The following THOP1 variants were observed in gnomAD, a reference collection of about 807,000 sequenced individuals.
THOP1 encodes the protein thimet oligopeptidase 1.
THOP1 carries 49 observed loss-of-function variants against 71.8 expected under a neutral mutation model. The ratio of observed to expected loss-of-function variants is 0.68; its 90% CI spans 0.54 to 0.87. The LOEUF (loss-of-function observed/expected upper bound fraction) is 0.87, where lower values mean the gene tolerates loss of function less well. Ranked by LOEUF, THOP1 falls within the 40% of genes least tolerant of loss-of-function variation. The pLI is 0.00. For missense variants in THOP1, 843 were observed against 975.6 expected, an observed-to-expected ratio of 0.86 and a Z score of 1.81; for synonymous variants, 426 against 421.5, an observed-to-expected ratio of 1.01 and a Z score of -0.13.
In THOP1 at chr19:2,801,352, G is replaced by C. The variant is rs1916139807; in HGVS notation, c.589+1561G>C. Among the ~76,000 whole-genome samples, 1 of 152,170 alleles carries C rather than the reference G, an allele frequency of 6.6e-6. No homozygotes were observed. Among genetic ancestry groups the C allele is most frequent in the East Asian group, 1.9e-4 (1 of 5,192 alleles). The stretch of plus-strand genomic sequence containing the variant: ...CAGCTGCCTGTTTCTTTTCACGTTT[G>C]CCATCCTGCAAACTCGAATGTTTGT... On this transcript the variant is annotated intron_variant, in intron 5 of 12. Transcript: ENST00000307741. This position sits in a 1 kb window ranked among gnomAD's most constrained non-coding sequence, Gnocchi z 5.1.
At position 2,812,236 on chromosome 19, in the gene THOP1, G is replaced by T. The variant is rs894365878; in HGVS notation, c.1908+502G>T. ...GAAGTGCGGCCGTTACGCCATGTGAGCCTGTGCCTCCCGCTGACTTGGTGT... is the reference window on the plus strand; with the variant it reads ...GAAGTGCGGCCGTTACGCCATGTGATCCTGTGCCTCCCGCTGACTTGGTGT... On this transcript the variant is annotated intron_variant, in intron 12 of 12. Transcript: ENST00000307741. The T allele has an allele frequency of 4.6e-6, 7 of 1,533,178 alleles. No individual in the cohort carries two copies. The East Asian group carries it at 1.7e-4, about 38-fold the overall frequency. The allele number at this position is 1,533,178 out of a possible 1,614,324, so 95.0% of individuals were successfully genotyped here. A position where few individuals can be genotyped will look rare whatever the true frequency, so the allele number is the denominator to read the frequency against.
In THOP1 at chr19:2,813,815, A is replaced by G. The variant is rs893686188; in HGVS notation, c.*539A>G. The G allele has an allele frequency of 9.1e-5, 14 of 153,122 alleles. No homozygotes were observed. Among genetic ancestry groups the G allele is most frequent in the Non-Finnish European group, 2.0e-4 (14 of 68,872 alleles). 9.5% of individuals were successfully genotyped at this position (153,122 alleles called of 1,614,324 possible). ...GGTCTGAGAGACTTCGGCTTCCTGC[A>G]TGCTTCTCACCTGTTGTCATTCTGG... is the stretch of plus-strand genomic sequence containing the variant. On this transcript the variant is annotated 3_prime_UTR_variant, in exon 13 of 13. Transcript: ENST00000307741.
At chr19:2,800,705 C>T (rs987244556) in intron 5 of THOP1, among the ~76,000 whole-genome samples, 4 of 152,252 alleles carry the variant, frequency 2.6e-5, no homozygotes, top group African/African-American at 7.2e-5. Flanking sequence ...TCCCGTGTCT[C>T]GGGCAGCACA....
chr19:2,810,890 A>G, intron 11 of THOP1, 122 bp downstream of exon 11: 3 of 1,416,996 alleles, frequency 2.1e-6, no homozygotes, highest in East Asian at 2.5e-5. Flanking sequence ...CTGGGGAGCC[A>G]CGGAGCGCGT....
At chr19:2,810,001 C>T (rs1916414624) in intron 9 of THOP1, 1 of 460,490 alleles carries the variant, frequency 2.2e-6, no homozygotes, top group Admixed American at 3.9e-5. Flanking sequence ...AGGTCCCAAC[C>T]CCTCGGGGTG....
intron 5 of THOP1, among the ~76,000 whole-genome samples, chr19:2,803,113 C>T (rs1465767173): frequency 6.6e-6 from 1 of 152,224 alleles, no homozygotes; most frequent in Non-Finnish European, 1.5e-5. Flanking sequence ...CCCATGCTCT[C>T]CCTGCCCCAG....
intron 11 of THOP1, 128 bp from the exon 12 acceptor site, chr19:2,811,470 C>A: frequency 7.6e-7 from 1 of 1,323,428 alleles, no homozygotes; most frequent in Non-Finnish European, 1.0e-6. Context: ...GGTCTCGGCC[C>A]TCACCGTGAT....
At chr19:2,786,020 T>A (rs1915731799) in intron 1 of THOP1, among the ~76,000 whole-genome samples, 1 of 151,902 alleles carries the variant, frequency 6.6e-6, no homozygotes, top group Non-Finnish European at 1.5e-5. Context: ...TAAGAGAGGA[T>A]CGAAGATAGG....
rs1277204697 is a variant in THOP1 at position 2,813,342 on chromosome 19, ACAGGATGGGG to A, written c.*71_*80del. 6 of 1,493,946 alleles carry A rather than the reference ACAGGATGGGG, an allele frequency of 4.0e-6. No homozygotes were observed. The highest frequency in any genetic ancestry group is 5.4e-6 in the Non-Finnish European group (6 of 1,117,972). The allele number at this position is 1,493,946 out of a possible 1,614,324, so 92.5% of individuals were successfully genotyped here. On this transcript the variant is annotated 3_prime_UTR_variant, in exon 13 of 13. Coordinates refer to ENST00000307741, the MANE Select transcript of THOP1 (RefSeq NM_003249.5). ...CCGCCCTGGTGCCTTAGCCCCCGGC[ACAGGATGGGG>A]CAGGCTCTGGCACAGTGCCTGGGAC... is the stretch of plus-strand genomic sequence containing the variant.
At position 2,810,671 on chromosome 19, in the gene THOP1, C is replaced by T; in HGVS notation, c.1674C>T (p.Ala558=). 2 of 1,563,072 alleles carry T rather than the reference C, an allele frequency of 1.3e-6. No homozygotes were observed. Among genetic ancestry groups the T allele is most frequent in the Non-Finnish European group, 1.7e-6 (2 of 1,153,478 alleles). The part of the protein sequence containing the change: ...GLFNLRQIVL[A]KVDQALHTQT... ...TCAACCTGCGCCAGATCGTCCTCGCCAAGGTGGACCAGGCCCTGCACACGC... is the reference window on the plus strand; with the variant it reads ...TCAACCTGCGCCAGATCGTCCTCGCTAAGGTGGACCAGGCCCTGCACACGC... Residue 558 remains alanine (A), a synonymous_variant, in exon 11 of 13, where the codon GCC becomes GCT. Coordinates refer to ENST00000307741, the MANE Select transcript of THOP1 (RefSeq NM_003249.5).
rs1432361536 is a variant in THOP1, at chr19:2,794,660, C to T, written c.230-104C>T. The T allele has an allele frequency of 1.7e-5, 24 of 1,401,628 alleles. No individual in the cohort carries two copies. The Admixed American group carries it at 1.9e-4, about 11-fold the overall frequency. The allele number at this position is 1,401,628 out of a possible 1,614,324, so 86.8% of individuals were successfully genotyped here. On this transcript the variant is annotated intron_variant, in intron 2 of 12. Coordinates refer to ENST00000307741, the MANE Select transcript of THOP1 (RefSeq NM_003249.5). ...GGAGGCTGAGGCAGGAGAGAGTTCA[C>T]GGGGGGATTCAGCAGACAGGCCTGG...
intron 4 of THOP1, among the ~76,000 whole-genome samples, chr19:2,799,363 G>A (rs1321819351): frequency 6.6e-6 from 1 of 152,208 alleles, no homozygotes; most frequent in East Asian, 1.9e-4. Flanking sequence ...GGCTCTGAAG[G>A]TGATTCCTTA....
rs961765319 is a variant in THOP1, at chr19:2,805,847, G to A, written c.750+671G>A. Among the ~76,000 whole-genome samples the A allele has an allele frequency of 1.4e-5, 2 of 146,862 alleles. No individual in the cohort carries two copies. The highest frequency in any genetic ancestry group is 6.8e-5 in the Admixed American group (1 of 14,624). On this transcript the variant is annotated intron_variant, in intron 6 of 12. Transcript: ENST00000307741. The surrounding 1 kb of genome is among the most constrained non-coding windows in gnomAD (Gnocchi z 6.6). The stretch of plus-strand genomic sequence containing the variant: ...GGGACGGGCGGGTGCCCATCACTGC[G>A]GGGGGACGGGCGGGTGCCCATCACT...
At chr19:2,796,017 C>A in intron 3 of THOP1, 64 bp from the exon 4 acceptor site, 1 of 1,363,536 alleles carries the variant, frequency 7.3e-7, no homozygotes, top group South Asian at 1.2e-5. Flanking sequence ...AAGAAACTGC[C>A]AAACTGCTCT....
In THOP1 at chr19:2,810,652, T is replaced by C; in HGVS notation, c.1655T>C (p.Leu552Pro). 6.4e-7 allele frequency: 1 copy of C among 1,554,772 alleles called. No individual in the cohort carries two copies. The highest frequency in any genetic ancestry group is 8.7e-7 in the Non-Finnish European group (1 of 1,149,222). Reference sequence around the variant, plus strand: ...CCCTCCCGCCCAGGCCTCTTCAACCTGCGCCAGATCGTCCTCGCCAAGGTG... The same window carrying C: ...CCCTCCCGCCCAGGCCTCTTCAACCCGCGCCAGATCGTCCTCGCCAAGGTG... ...SRQANTGLFN[L>P]RQIVLAKVDQ... The change falls in exon 11 of 13, where the codon CTG becomes CCG. Residue 552 changes from leucine (L) to proline (P), a missense_variant. Leu to Pro is a moderately conservative substitution (Grantham distance 98). Coordinates refer to ENST00000307741, the MANE Select transcript of THOP1 (RefSeq NM_003249.5).
chr19:2,809,224 G>C (rs1183993121), intron 9 of THOP1, among the ~76,000 whole-genome samples: 1 of 152,190 alleles, frequency 6.6e-6, no homozygotes, highest in Non-Finnish European at 1.5e-5. Context: ...CAGCGCTGAC[G>C]GGTTCACGTT....
In THOP1 at chr19:2,801,026, C is replaced by T. The variant is rs1348640415; in HGVS notation, c.589+1235C>T. Among the ~76,000 whole-genome samples, 3 of 152,182 alleles carry T rather than the reference C, an allele frequency of 2.0e-5. No individual in the cohort carries two copies. Among genetic ancestry groups the T allele is most frequent in the East Asian group, 1.9e-4 (1 of 5,198 alleles). Reference sequence around the variant, plus strand: ...GCAAGTGACTCCCAAGGAGACTGGGCGTCCAGCTCAAATCTGCCTCCTGTG... The same window carrying T: ...GCAAGTGACTCCCAAGGAGACTGGGTGTCCAGCTCAAATCTGCCTCCTGTG... On this transcript the variant is annotated intron_variant, in intron 5 of 12. Coordinates refer to ENST00000307741, the MANE Select transcript of THOP1 (RefSeq NM_003249.5). The surrounding 1 kb of genome is among the most constrained non-coding windows in gnomAD (Gnocchi z 5.1).
intron 4 of THOP1, among the ~76,000 whole-genome samples, chr19:2,797,328 G>C (rs1916042796): frequency 6.6e-6 from 1 of 152,172 alleles, no homozygotes; most frequent in Non-Finnish European, 1.5e-5. Context: ...GTCTCTGGGA[G>C]GGGCCATTTC....
chr19:2,793,489 A>G (rs530866685), intron 2 of THOP1, among the ~76,000 whole-genome samples: 5 of 152,140 alleles, frequency 3.3e-5, no homozygotes, highest in African/African-American at 1.2e-4. Context: ...CAGGAGTTCA[A>G]GACCAGCCTG....
Sources: allele counts gnomAD v4.1 joint callset (sites outside exome capture counted in the v4.1 genomes callset), GRCh38; gene constraint gnomAD v4.1.1; non-coding constraint Gnocchi (gnomAD v3.1); transcripts MANE v1.5; gene names NCBI Gene and HGNC (gene_info 2026-07-23, HGNC 2026-07-21).